PTK2: variants seen among roughly 807,000 people sequenced by gnomAD.
PTK2 encodes the protein focal adhesion kinase 1.
PTK2 carries 45 observed loss-of-function variants against 150.1 expected under a neutral mutation model. That is an observed-to-expected ratio of 0.30 (90% CI 0.24 to 0.38). The LOEUF (loss-of-function observed/expected upper bound fraction) is 0.38, where lower values mean the gene tolerates loss of function less well. PTK2 is among the 10% of genes least tolerant of loss of function. The probability of loss-of-function intolerance (pLI) is 1.00; values close to 1 mark genes in which losing one functional copy is unlikely to be tolerated. For missense variants in PTK2, 919 were observed against 1,307.3 expected (o/e 0.70, Z 4.58); for synonymous variants, 432 against 449.2 (o/e 0.96, Z 0.48).
chr8:140,703,414 T>G (rs536816518), intron 24 of PTK2, among the ~76,000 whole-genome samples: 107 of 152,322 alleles, frequency 7.0e-4, no homozygotes, highest in African/African-American at 2.5e-3. Context: ...ATGGCTGCAT[T>G]AGAGAGCTAG....
At chr8:140,875,837 G>A (rs2154606947) in intron 4 of PTK2, among the ~76,000 whole-genome samples, 1 of 152,130 alleles carries the variant, frequency 6.6e-6, no homozygotes. Flanking sequence ...AAGAAAACAG[G>A]TTACTGGAGC....
chr8:140,961,055 A>G (rs2100183011), intron 1 of PTK2, among the ~76,000 whole-genome samples: 1 of 152,352 alleles, frequency 6.6e-6, no homozygotes, highest in African/African-American at 2.4e-5. Context: ...AAAGCAGCAG[A>G]TATATAGAAA....
intron 1 of PTK2, among the ~76,000 whole-genome samples, chr8:140,990,766 C>G (rs558624622): frequency 6.6e-6 from 1 of 152,254 alleles, no homozygotes; most frequent in African/African-American, 2.4e-5. Flanking sequence ...CCCTTTACAA[C>G]AAAGACTATA....
At chr8:140,977,362 G>A (rs150551451) in intron 1 of PTK2, among the ~76,000 whole-genome samples, 3,019 of 152,258 alleles carry the variant, frequency 0.02, 45 homozygotes, top group Non-Finnish European at 0.026. Context: ...GGTAGCTCAC[G>A]TCTGTAATCC....
At chr8:140,841,233 G>A (rs901811025) in intron 7 of PTK2, among the ~76,000 whole-genome samples, 1 of 152,048 alleles carries the variant, frequency 6.6e-6, no homozygotes, top group Admixed American at 6.6e-5. Flanking sequence ...AATAACTGTA[G>A]CATTCAGGTA....
intron 14 of PTK2, among the ~76,000 whole-genome samples, chr8:140,775,090 T>C (rs1314312953): frequency 6.6e-6 from 1 of 152,222 alleles, no homozygotes; most frequent in African/African-American, 2.4e-5. Context: ...CCTCAACTTC[T>C]TTCTTCAGCC....
At chr8:140,718,095 T>G in intron 22 of PTK2, 1 of 203,102 alleles carries the variant, frequency 4.9e-6, no homozygotes, top group Non-Finnish European at 1.0e-5. Context: ...GGACAGATTC[T>G]TTTCACACCT....
intron 26 of PTK2, among the ~76,000 whole-genome samples, chr8:140,697,844 G>A (rs2154028659): frequency 7.3e-6 from 1 of 137,156 alleles, no homozygotes; most frequent in East Asian, 2.1e-4. Flanking sequence ...CTCCCTTTAG[G>A]GTTTACTGTT....
rs1425813287 is a variant in PTK2, at chr8:140,788,237, AG to A, written c.1177+1236del. 2.6e-5 allele frequency among the ~76,000 whole-genome samples: 4 copies of A among 152,340 alleles called. No homozygotes were observed. The East Asian group carries it at 5.8e-4, about 22-fold the overall frequency. On this transcript the variant is annotated intron_variant, in intron 14 of 31. Transcript: ENST00000522684. ...ATTCCAACCTTCTCTCTACTTAGTT[AG>A]GAAGTGAGCAATGATTTCTCAAGCA...
intron 24 of PTK2, among the ~76,000 whole-genome samples, chr8:140,703,244 C>G (rs937005807): frequency 2.0e-5 from 3 of 151,486 alleles, no homozygotes; most frequent in Non-Finnish European, 2.9e-5. Context: ...GCCTGGGTGA[C>G]AGAGAGAGAC....
intron 2 of PTK2, among the ~76,000 whole-genome samples, chr8:140,891,881 T>C (rs1015041922): frequency 2.0e-5 from 3 of 152,094 alleles, no homozygotes; most frequent in African/African-American, 7.2e-5. Context: ...AAAGGGAGCT[T>C]TGTAAACCTG....
chr8:140,675,571 G>T, intron 27 of PTK2, 72 bp from the exon 31 acceptor site: 2 of 1,133,622 alleles, frequency 1.8e-6, no homozygotes, highest in Non-Finnish European at 2.7e-6. Flanking sequence ...CACCCACCCT[G>T]TCTATCCACC....
At chr8:140,887,310 T>C (rs2100152667) in intron 3 of PTK2, among the ~76,000 whole-genome samples, 1 of 152,212 alleles carries the variant, frequency 6.6e-6, no homozygotes, top group Non-Finnish European at 1.5e-5. Context: ...AGAAAAATCA[T>C]GTCCAAGGCC....
At chr8:140,821,281 G>A (rs1381014460) in intron 8 of PTK2, 1 of 152,254 alleles carries the variant, frequency 6.6e-6, no homozygotes, top group Non-Finnish European at 1.5e-5. Flanking sequence ...GGTTGGGGGA[G>A]TGTGTAGGAG....
chr8:140,734,826 A>AG, intron 22 of PTK2: 2 of 497,288 alleles, frequency 4.0e-6, no homozygotes, highest in South Asian at 3.0e-5. Flanking sequence ...AGGTCAGGAA[A>AG]GGGATTTCTG....
chr8:140,786,172 G>A (rs917533214), intron 14 of PTK2, among the ~76,000 whole-genome samples: 4 of 152,124 alleles, frequency 2.6e-5, no homozygotes, highest in Non-Finnish European at 2.9e-5. Flanking sequence ...CTTCAATCCC[G>A]CAGGGCTTGT....
intron 1 of PTK2, among the ~76,000 whole-genome samples, chr8:140,979,211 G>T (rs2100190476): frequency 1.3e-5 from 2 of 151,042 alleles, no homozygotes; most frequent in African/African-American, 4.9e-5. Flanking sequence ...GTATACATAT[G>T]TAACAAACCT....
intron 29 of PTK2, 125 bp from the exon 34 acceptor site, chr8:140,668,549 T>G (rs993041637): frequency 1.0e-5 from 11 of 1,101,472 alleles, no homozygotes; most frequent in Non-Finnish European, 1.3e-5. Flanking sequence ...GATTTTCTTG[T>G]GTGTGCGGGA....
At chr8:140,789,526 C>T in exon 14 of PTK2, 1 of 1,612,620 alleles carries the variant, frequency 6.2e-7, no homozygotes, top group Non-Finnish European at 8.5e-7. Flanking sequence ...TGTTGGCCAA[C>T]CTGTGACAGA....
Sources: gnomAD v4.1 joint callset for allele counts (sites outside exome capture counted in the v4.1 genomes callset) on GRCh38, gnomAD v4.1.1 for gene constraint, MANE v1.5 for transcripts, NCBI Gene and HGNC (gene_info 2026-07-23, HGNC 2026-07-21) for gene names.